Variants in SEMA3D observed in about 807,000 individuals in gnomAD.
SEMA3D encodes semaphorin-3D.
SEMA3D carries 84 observed loss-of-function variants against 100.1 expected under a neutral mutation model. The observed-to-expected ratio is 0.84, with a 90% CI of 0.70 to 1.01. The LOEUF is 1.01. SEMA3D is among the 50% of genes least tolerant of loss of function. The probability of loss-of-function intolerance (pLI) is 0.00; values close to 1 mark genes in which losing one functional copy is unlikely to be tolerated. For missense variants in SEMA3D, 875 were observed against 934.1 expected, an observed-to-expected ratio of 0.94 and a Z score of 0.82; for synonymous variants, 312 against 320.7, an observed-to-expected ratio of 0.97 and a Z score of 0.29.
rs754872853 is a variant in SEMA3D, at chr7:85,121,801, A to T, written c.91T>A (p.Phe31Ile). The change falls in exon 3 of 19, where the codon TTT (phenylalanine) becomes ATT (isoleucine). Residue 31 changes from phenylalanine to isoleucine, a missense_variant. By Grantham distance (21) the Phe-to-Ile change is conservative. Transcript: ENST00000284136. ...ALMMLSMTML[F>I]LPVTGTLKQN... is the part of the protein sequence containing the mutation. ...TTCAAAGTGCCAGTGACTGGAAGAA[A>T]CAACATGGTCATGCTTAGCATCATC... 10 of 1,609,904 alleles carry T rather than the reference A, an allele frequency of 6.2e-6. No individual in the cohort carries two copies. The highest frequency in any genetic ancestry group is 8.5e-6 in the Non-Finnish European group (10 of 1,178,354).
intron 3 of SEMA3D, among the ~76,000 whole-genome samples, chr7:85,115,738 C>T (rs762600255): frequency 6.6e-5 from 10 of 152,112 alleles, no homozygotes; most frequent in Non-Finnish European, 1.5e-4. Context: ...CTTCTATACT[C>T]TCAGAAAATT....
intron 1 of SEMA3D, among the ~76,000 whole-genome samples, chr7:85,178,087 G>T (rs1204758214): frequency 5.9e-5 from 9 of 152,172 alleles, no homozygotes. Flanking sequence ...GGACAGGTTT[G>T]CTTCCCCTTC....
the SEMA3D span, among the ~76,000 whole-genome samples, chr7:85,226,921 T>C: frequency 6.6e-6 from 1 of 152,144 alleles, no homozygotes; most frequent in Non-Finnish European, 1.5e-5. Context: ...AGTGGATAAC[T>C]GATGGTAAAT....
chr7:85,158,136 T>C (rs1178034182), intron 1 of SEMA3D, among the ~76,000 whole-genome samples: 2 of 152,132 alleles, frequency 1.3e-5, no homozygotes, highest in African/African-American at 4.8e-5. Context: ...GTTTGAACAA[T>C]ATGAAATCTG....
intron 1 of SEMA3D, among the ~76,000 whole-genome samples, chr7:85,178,726 A>T (rs1334402309): frequency 6.6e-6 from 1 of 152,242 alleles, no homozygotes. Flanking sequence ...TGCATAAGTA[A>T]CTAGGAGCCA....
intron 4 of SEMA3D, among the ~76,000 whole-genome samples, chr7:85,096,079 C>T (rs1234489175): frequency 6.6e-6 from 1 of 151,892 alleles, no homozygotes; most frequent in African/African-American, 2.4e-5. Context: ...AAAACTGAGA[C>T]ATATTTGGAA....
chr7:85,097,349 G>T (rs1788590510), intron 4 of SEMA3D, among the ~76,000 whole-genome samples: 1 of 151,700 alleles, frequency 6.6e-6, no homozygotes, highest in Non-Finnish European at 1.5e-5. Context: ...TGAGAGTTTG[G>T]AAAAAGCAGT....
the SEMA3D span, among the ~76,000 whole-genome samples, chr7:85,197,468 C>T: frequency 3.3e-5 from 5 of 151,344 alleles, no homozygotes; most frequent in African/African-American, 9.7e-5. Flanking sequence ...ACCCCCACCA[C>T]CCCCACCACC....
the SEMA3D span, among the ~76,000 whole-genome samples, chr7:85,214,549 T>G: frequency 1.3e-5 from 2 of 152,076 alleles, no homozygotes; most frequent in East Asian, 3.8e-4. Flanking sequence ...CAGGCTGGAG[T>G]GCAATGGTGT....
At chr7:85,238,281 T>C in the SEMA3D span, among the ~76,000 whole-genome samples, 1 of 152,186 alleles carries the variant, frequency 6.6e-6, no homozygotes, top group Non-Finnish European at 1.5e-5. Context: ...GTTATTGCCA[T>C]ACCCAATGTC....
At chr7:85,102,132 A>T in intron 3 of SEMA3D, among the ~76,000 whole-genome samples, 1 of 152,096 alleles carries the variant, frequency 6.6e-6, no homozygotes, top group African/African-American at 2.4e-5. Flanking sequence ...GTATATATAA[A>T]ATGTTAAACC....
chr7:85,036,133 AT>A (rs1031454333), intron 12 of SEMA3D, among the ~76,000 whole-genome samples: 11 of 151,532 alleles, frequency 7.3e-5, no homozygotes, highest in African/African-American at 2.2e-4. Flanking sequence ...TGAAAAAAAA[AT>A]TTTTTTCCTC....
chr7:85,178,385 G>C (rs1239592216), intron 1 of SEMA3D, among the ~76,000 whole-genome samples: 1 of 152,148 alleles, frequency 6.6e-6, no homozygotes, highest in Non-Finnish European at 1.5e-5. Flanking sequence ...TTGTTGAATG[G>C]TTTTGACCAA....
chr7:85,179,409 T>C (rs1179047245), intron 1 of SEMA3D, among the ~76,000 whole-genome samples: 2 of 152,186 alleles, frequency 1.3e-5, no homozygotes, highest in Middle Eastern at 3.2e-3. Context: ...TGTATCAGCA[T>C]AACCTGGATA....
rs546992163 is a variant in SEMA3D at position 85,109,060 on chromosome 7, C to T, written c.152-11095G>A. Among the ~76,000 whole-genome samples, 6 of 151,916 alleles carry T rather than the reference C, an allele frequency of 3.9e-5. No homozygotes were observed. In the East Asian group the frequency reaches 1.2e-3, roughly 29 times the overall value. On this transcript the variant is annotated intron_variant, in intron 3 of 18. Coordinates refer to ENST00000284136, the MANE Select transcript of SEMA3D (RefSeq NM_001384900.1). ...TCAACTACAATTATATTCTTAAATA[C>T]CTTAAATTTTCTTCATATATTCCTT...
intron 15 of SEMA3D, among the ~76,000 whole-genome samples, chr7:85,015,870 C>T (rs1003136997): frequency 6.6e-6 from 1 of 151,670 alleles, no homozygotes; most frequent in African/African-American, 2.4e-5. Context: ...CTTATACATT[C>T]TTTTGAGTAT....
intron 1 of SEMA3D, among the ~76,000 whole-genome samples, chr7:85,177,825 A>T (rs1354491349): frequency 1.3e-5 from 2 of 152,222 alleles, no homozygotes; most frequent in Non-Finnish European, 2.9e-5. Flanking sequence ...AGAGGAAAAC[A>T]TAAGCATTAA....
chr7:85,234,126 G>T, the SEMA3D span, among the ~76,000 whole-genome samples: 2 of 152,128 alleles, frequency 1.3e-5, no homozygotes, highest in Non-Finnish European at 2.9e-5. Context: ...ATTGTTTCCA[G>T]CATAAAAACA....
At chr7:85,026,806 GA>G in intron 12 of SEMA3D, among the ~76,000 whole-genome samples, 1 of 152,072 alleles carries the variant, frequency 6.6e-6, no homozygotes. Flanking sequence ...AGTGTATTTA[GA>G]ATCATGCTAA....
Sources: gnomAD v4.1 joint callset for allele counts (sites outside exome capture counted in the v4.1 genomes callset) on GRCh38, gnomAD v4.1.1 for gene constraint, MANE v1.5 for transcripts, NCBI Gene and HGNC (gene_info 2026-07-23, HGNC 2026-07-21) for gene names.